The following MLLT3 variants were observed in gnomAD, a reference collection of about 807,000 sequenced individuals.
The protein encoded by MLLT3 is protein AF-9.
In MLLT3, 4 loss-of-function variants were observed where a neutral mutation model predicts 53.2. The observed-to-expected ratio is 0.08, with a 90% confidence interval of 0.04 to 0.17. The LOEUF (loss-of-function observed/expected upper bound fraction) is 0.17. Among genes scored for constraint, MLLT3 ranks in the 10% least tolerant of loss-of-function variants. The pLI is 1.00. For synonymous variants in MLLT3, 283 were observed against 230.6 expected, an observed-to-expected ratio of 1.23 and a Z score of -2.06; for missense variants, 569 against 684.0, an observed-to-expected ratio of 0.83 and a Z score of 1.87.
intron 5 of MLLT3, among the ~76,000 whole-genome samples, chr9:20,393,299 G>A (rs955445623): frequency 3.9e-5 from 6 of 152,160 alleles, no homozygotes; most frequent in Admixed American, 2.6e-4. Context: ...CCTTAACTAC[G>A]TATTTCAAAT....
chr9:20,345,466 T>G lies in MLLT3; in HGVS notation c.*977A>C, dbSNP rs1203115439. ...TCCAAATTAAGAATTTCTACAACAG[T>G]TTTTTTTTTTAGAAAACAGGACCAG... is the stretch of plus-strand genomic sequence containing the variant. On this transcript the variant is annotated 3_prime_UTR_variant, in exon 11 of 11. Transcript: ENST00000380338. 1 of 93,384 alleles carries G rather than the reference T, an allele frequency of 1.1e-5. No homozygotes were observed. Among genetic ancestry groups the G allele is most frequent in the Non-Finnish European group, 1.6e-5 (1 of 60,734 alleles). 5.8% of individuals were successfully genotyped at this position (93,384 alleles called of 1,614,324 possible).
intron 4 of MLLT3, among the ~76,000 whole-genome samples, chr9:20,440,982 G>A (rs548506824): frequency 1.3e-5 from 2 of 152,110 alleles, no homozygotes; most frequent in South Asian, 4.1e-4. Flanking sequence ...CTTCGGGGAG[G>A]TCTGCAGAAA....
chr9:20,438,976 A>G (rs951562273), intron 4 of MLLT3, among the ~76,000 whole-genome samples: 1 of 152,170 alleles, frequency 6.6e-6, no homozygotes, highest in Non-Finnish European at 1.5e-5. Flanking sequence ...CAGGCCCACA[A>G]TGTACCCTAT....
At position 20,620,499 on chromosome 9, in the gene MLLT3, C is replaced by G. The variant is rs1820970323; in HGVS notation, c.193+155G>C. On this transcript the variant is annotated intron_variant, in intron 2 of 10. Transcript: ENST00000380338. The surrounding 1 kb of genome is among the most constrained non-coding windows in gnomAD (Gnocchi z 6.1). ...GGCGCGCGCGCGGGCAGGCGGGAGCCGGGACCTGGCCCGCGCGGCGCCGCG... is the reference window on the plus strand; with the variant it reads ...GGCGCGCGCGCGGGCAGGCGGGAGCGGGGACCTGGCCCGCGCGGCGCCGCG... Among the ~76,000 whole-genome samples, 3 of 149,892 alleles carry G rather than the reference C, an allele frequency of 2.0e-5. No individual in the cohort carries two copies. In the South Asian group the frequency reaches 6.5e-4, roughly 32 times the overall value.
At chr9:20,480,998 AC>A (rs1824649024) in intron 2 of MLLT3, among the ~76,000 whole-genome samples, 1 of 152,232 alleles carries the variant, frequency 6.6e-6, no homozygotes, top group East Asian at 1.9e-4. Context: ...ACGCACACAC[AC>A]AAAAAAGAGT....
At chr9:20,426,326 C>T (rs1182977531) in intron 4 of MLLT3, among the ~76,000 whole-genome samples, 1 of 152,082 alleles carries the variant, frequency 6.6e-6, no homozygotes, top group Non-Finnish European at 1.5e-5. Context: ...CTTAAAAACA[C>T]ATTGGCCAGA....
chr9:20,449,721 C>A (rs1349833670), intron 3 of MLLT3, among the ~76,000 whole-genome samples: 1 of 152,176 alleles, frequency 6.6e-6, no homozygotes, highest in Non-Finnish European at 1.5e-5. Context: ...CCACTCATTT[C>A]CTCAGTACCC....
chr9:20,483,399 G>A (rs1365631436), intron 2 of MLLT3, among the ~76,000 whole-genome samples: 1 of 151,150 alleles, frequency 6.6e-6, no homozygotes, highest in Admixed American at 6.6e-5. Context: ...CATTACACCT[G>A]GCTATTTTTT....
intron 5 of MLLT3, among the ~76,000 whole-genome samples, chr9:20,394,213 G>T (rs895130205): frequency 6.6e-6 from 1 of 152,104 alleles, no homozygotes; most frequent in African/African-American, 2.4e-5. Context: ...GTCCAGGGTT[G>T]GGGGGAGCAT....
intron 2 of MLLT3, among the ~76,000 whole-genome samples, chr9:20,549,030 G>C (rs1226073812): frequency 6.6e-6 from 1 of 152,030 alleles, no homozygotes; most frequent in African/African-American, 2.4e-5. Flanking sequence ...GCCCAGGTGG[G>C]TCCCGAACTC....
At chr9:20,381,059 CT>C (rs1821896831) in intron 5 of MLLT3, among the ~76,000 whole-genome samples, 1 of 151,898 alleles carries the variant, frequency 6.6e-6, no homozygotes, top group Admixed American at 6.6e-5. Flanking sequence ...AAATATGACT[CT>C]TCCTAGAATA....
intron 4 of MLLT3, among the ~76,000 whole-genome samples, chr9:20,446,159 AC>A (rs1245705286): frequency 3.3e-5 from 5 of 152,186 alleles, no homozygotes; most frequent in African/African-American, 4.8e-5. Context: ...TTATTTTACT[AC>A]AAAATTCACT....
chr9:20,500,800 C>A (rs12000230), intron 2 of MLLT3, among the ~76,000 whole-genome samples: 150 of 152,312 alleles, frequency 9.8e-4, no homozygotes, highest in African/African-American at 3.5e-3. Context: ...AAGTTACTTA[C>A]CACAGGTCAT....
chr9:20,351,325 G>A (rs763573484), intron 10 of MLLT3, among the ~76,000 whole-genome samples: 4 of 152,180 alleles, frequency 2.6e-5, no homozygotes, highest in Non-Finnish European at 4.4e-5. Flanking sequence ...TCCCCCAGAC[G>A]TGGATGCAAA....
chr9:20,484,022 T>C (rs1824741031), intron 2 of MLLT3, among the ~76,000 whole-genome samples: 1 of 152,134 alleles, frequency 6.6e-6, no homozygotes. Flanking sequence ...AGTAAAACTC[T>C]TAATTTAGCA....
chr9:20,427,272 G>C (rs1823160739), intron 4 of MLLT3, among the ~76,000 whole-genome samples: 1 of 151,022 alleles, frequency 6.6e-6, no homozygotes, highest in Non-Finnish European at 1.5e-5. Flanking sequence ...AGAATGACTG[G>C]GCCACTGAAA....
Position 20,522,005 on chromosome 9 carries a change from CA to C in MLLT3, c.194-65220del, listed in dbSNP as rs1241878331. Among the ~76,000 whole-genome samples the C allele has an allele frequency of 2.5e-4, 29 of 115,064 alleles. 1 individual carries two copies. The East Asian group carries it at 0.01, about 40-fold the overall frequency. 75.5% of individuals were successfully genotyped at this position (115,064 alleles called of 152,430 possible). A position where few individuals can be genotyped will look rare whatever the true frequency, so the allele number is the denominator to read the frequency against. On this transcript the variant is annotated intron_variant, in intron 2 of 10. Transcript: ENST00000380338. ...AATTATAATTAAGTTTTGACTGTCA[CA>C]GTTTTTTTTTTTTTTAACACTCTGA...
chr9:20,508,896 A>G (rs1300182375), intron 2 of MLLT3, among the ~76,000 whole-genome samples: 1 of 152,218 alleles, frequency 6.6e-6, no homozygotes, highest in East Asian at 1.9e-4. Flanking sequence ...CAAGGAACTC[A>G]TAACCAAAAG....
At position 20,345,064 on chromosome 9, in the gene MLLT3, T is replaced by G. The variant is rs1054323095; in HGVS notation, c.*1379A>C. ...AATAATGACACCAAAAGTACTTTGG[T>G]TTTTTTCTTTTAAAAATAATTTGCT... On this transcript the variant is annotated 3_prime_UTR_variant, in exon 11 of 11. Transcript: ENST00000380338. 4.6e-6 allele frequency: 1 copy of G among 217,340 alleles called. No individual in the cohort carries two copies. Among genetic ancestry groups the G allele is most frequent in the African/African-American group, 2.2e-5 (1 of 44,524 alleles). The allele number at this position is 217,340 out of a possible 1,614,324, so 13.5% of individuals were successfully genotyped here.
Sources: gnomAD v4.1 joint callset for allele counts (sites outside exome capture counted in the v4.1 genomes callset) on GRCh38, gnomAD v4.1.1 for gene constraint, Gnocchi (gnomAD v3.1) non-coding constraint, MANE v1.5 for transcripts, NCBI Gene and HGNC (gene_info 2026-07-23, HGNC 2026-07-21) for gene names.